The following LARGE1 variants were observed in gnomAD, a reference collection of about 807,000 sequenced individuals.
The protein encoded by LARGE1 is LARGE xylosyl- and glucuronyltransferase 1, also known as xylosyl- and glucuronyltransferase LARGE1.
Under a neutral mutation model 87.6 loss-of-function variants are expected in LARGE1, and 43 were observed. The observed-to-expected ratio is 0.49, with a 90% CI of 0.38 to 0.63. The LOEUF is 0.63. Among genes scored for constraint, LARGE1 ranks in the 30% least tolerant of loss-of-function variants. The pLI, the probability that LARGE1 is intolerant of heterozygous loss-of-function variation, is 0.00. For missense variants in LARGE1, 802 were observed against 1,000.2 expected, an observed-to-expected ratio of 0.80 and a Z score of 2.67; for synonymous variants, 434 against 394.6, an observed-to-expected ratio of 1.10 and a Z score of -1.18.
the LARGE1 span, among the ~76,000 whole-genome samples, chr22:33,089,818 C>A: frequency 1.3e-5 from 2 of 152,014 alleles, no homozygotes; most frequent in African/African-American, 4.8e-5. Flanking sequence ...CTTTATGTAG[C>A]CTTACAGAAG....
chr22:33,819,407 T>C (rs1223079771), intron 1 of LARGE1, among the ~76,000 whole-genome samples: 2 of 152,070 alleles, frequency 1.3e-5, no homozygotes, highest in African/African-American at 4.8e-5. Flanking sequence ...TGCTGTCCTC[T>C]AACAATCTCA....
intron 11 of LARGE1, among the ~76,000 whole-genome samples, chr22:33,232,345 CA>C (rs1926049655): frequency 6.6e-6 from 1 of 152,210 alleles, no homozygotes; most frequent in African/African-American, 2.4e-5. Context: ...AGAACTATAA[CA>C]GCATCAAAGT....
intron 1 of LARGE1, among the ~76,000 whole-genome samples, chr22:33,911,526 G>C (rs1202302106): frequency 6.6e-6 from 1 of 151,760 alleles, no homozygotes; most frequent in Non-Finnish European, 1.5e-5. Flanking sequence ...CCTGACATGG[G>C]AGCGCCGGTC....
chr22:33,521,491 G>C (rs1050043259), intron 6 of LARGE1, among the ~76,000 whole-genome samples: 4 of 152,234 alleles, frequency 2.6e-5, no homozygotes, highest in Admixed American at 6.5e-5. Flanking sequence ...AGAGTGGCAG[G>C]GGGAGCCCCA....
intron 11 of LARGE1, 85 bp downstream of exon 11, chr22:33,315,984 TAGCAGATGCACTGGGA>T (rs1936109453): frequency 7.5e-7 from 1 of 1,339,164 alleles, no homozygotes; most frequent in African/African-American, 1.5e-5. Context: ...CCTCCAATTT[TAGCAGATGCACTGGGA>T]AGCAGGCACA....
chr22:33,081,662 C>T, the LARGE1 span, among the ~76,000 whole-genome samples: 3 of 152,120 alleles, frequency 2.0e-5, no homozygotes, highest in Admixed American at 6.6e-5. Context: ...TCAGAAAAGA[C>T]CACATTCATA....
chr22:33,279,500 A>T (rs1322793749), intron 13 of LARGE1, among the ~76,000 whole-genome samples: 1 of 152,118 alleles, frequency 6.6e-6, no homozygotes, highest in East Asian at 1.9e-4. Flanking sequence ...ACTCCCCCCA[A>T]ACCCTCAGGG....
intron 1 of LARGE1, among the ~76,000 whole-genome samples, chr22:33,786,889 C>T (rs1025758289): frequency 2.0e-4 from 31 of 152,022 alleles, no homozygotes; most frequent in African/African-American, 4.3e-4. Flanking sequence ...GGCGTGGTGG[C>T]GCCTGCCTGT....
intron 2 of LARGE1, among the ~76,000 whole-genome samples, chr22:33,684,221 A>G (rs2081875050): frequency 6.6e-6 from 1 of 152,098 alleles, no homozygotes; most frequent in South Asian, 2.1e-4. Flanking sequence ...TGTGACTGGA[A>G]TCCCTTCTCT....
At chr22:33,097,699 G>A in the LARGE1 span, among the ~76,000 whole-genome samples, 1 of 152,232 alleles carries the variant, frequency 6.6e-6, no homozygotes, top group Middle Eastern at 3.4e-3. Flanking sequence ...TTCTAATATG[G>A]CTATAGCTAA....
At chr22:33,286,374 A>G (rs1033823979) in intron 12 of LARGE1, among the ~76,000 whole-genome samples, 1 of 152,120 alleles carries the variant, frequency 6.6e-6, no homozygotes, top group African/African-American at 2.4e-5. Flanking sequence ...GGTGGGATAT[A>G]TGGATCTAAA....
At chr22:33,525,649 C>A (rs907829473) in intron 6 of LARGE1, among the ~76,000 whole-genome samples, 2 of 152,064 alleles carry the variant, frequency 1.3e-5, no homozygotes, top group African/African-American at 4.8e-5. Context: ...CTATGTTTCC[C>A]CCCCAGCATA....
chr22:33,779,073 G>T (rs1280300852), intron 1 of LARGE1, among the ~76,000 whole-genome samples: 2 of 152,114 alleles, frequency 1.3e-5, no homozygotes, highest in Non-Finnish European at 2.9e-5. Flanking sequence ...GAATAGTTTT[G>T]CTACAAACAT....
chr22:33,186,534 A>G (rs1001393517), intron 11 of LARGE1, among the ~76,000 whole-genome samples: 9 of 152,206 alleles, frequency 5.9e-5, no homozygotes, highest in African/African-American at 1.7e-4. Context: ...TCTTTGAGCT[A>G]ACATAATTCT....
intron 6 of LARGE1, among the ~76,000 whole-genome samples, chr22:33,491,977 A>G (rs373149019): frequency 3.3e-5 from 5 of 152,368 alleles, no homozygotes; most frequent in African/African-American, 1.2e-4. Context: ...ACAAATGGTA[A>G]GAAGAGTTTC....
intron 2 of LARGE1, among the ~76,000 whole-genome samples, chr22:33,707,572 A>C (rs1339515763): frequency 1.3e-5 from 2 of 152,234 alleles, no homozygotes; most frequent in Non-Finnish European, 2.9e-5. Flanking sequence ...TTTGCAGCCA[A>C]TCTTACTCCC....
chr22:33,412,880 C>T (rs1245657874), intron 7 of LARGE1, among the ~76,000 whole-genome samples: 1 of 152,168 alleles, frequency 6.6e-6, no homozygotes, highest in Non-Finnish European at 1.5e-5. Context: ...AGGCTGGTCT[C>T]GATATCTTGG....
intron 11 of LARGE1, among the ~76,000 whole-genome samples, chr22:33,203,385 T>C (rs556387410): frequency 1.3e-5 from 2 of 152,284 alleles, no homozygotes; most frequent in South Asian, 4.1e-4. Flanking sequence ...TGAATTAGCC[T>C]TTCCCCTTGG....
chr22:33,829,891 C>T (rs2062915252), intron 1 of LARGE1, among the ~76,000 whole-genome samples: 1 of 152,108 alleles, frequency 6.6e-6, no homozygotes, highest in South Asian at 2.1e-4. Flanking sequence ...CCCAGTCATC[C>T]TAAGAAGAAA....
Sources: gnomAD v4.1 joint callset for allele counts (sites outside exome capture counted in the v4.1 genomes callset) on GRCh38, gnomAD v4.1.1 for gene constraint, MANE v1.5 for transcripts, NCBI Gene and HGNC (gene_info 2026-07-23, HGNC 2026-07-21) for gene names.